ATP2B2: variants seen among roughly 807,000 people sequenced by gnomAD.
ATP2B2 encodes plasma membrane calcium-transporting ATPase 2.
ATP2B2 carries 15 observed loss-of-function variants against 120.0 expected under a neutral mutation model. The observed-to-expected ratio is 0.12, with a 90% CI of 0.08 to 0.19. ATP2B2 has a LOEUF of 0.19. ATP2B2 is among the 10% of genes least tolerant of loss of function. The probability of loss-of-function intolerance (pLI) is 1.00; values close to 1 mark genes in which losing one functional copy is unlikely to be tolerated. For synonymous variants in ATP2B2, 694 were observed against 700.3 expected (o/e 0.99, Z 0.14); for missense variants, 1,045 against 1,719.8 (o/e 0.61, Z 6.94).
chr3:10,608,733 C>T (rs1488323293), intron 2 of ATP2B2, among the ~76,000 whole-genome samples: 2 of 152,236 alleles, frequency 1.3e-5, no homozygotes, highest in African/African-American at 2.4e-5. Context: ...CCTGAGGCCC[C>T]ACTGGCCTCT....
At chr3:10,632,218 G>A (rs1385788603) in intron 1 of ATP2B2, among the ~76,000 whole-genome samples, 1 of 149,310 alleles carries the variant, frequency 6.7e-6, no homozygotes, top group Non-Finnish European at 1.5e-5. Flanking sequence ...CTTAAAAAAT[G>A]GGAATACCAG....
chr3:10,616,695 C>T (rs1021124835), intron 2 of ATP2B2, among the ~76,000 whole-genome samples: 27 of 151,990 alleles, frequency 1.8e-4, no homozygotes, highest in African/African-American at 6.5e-4. Flanking sequence ...CACACACACA[C>T]ACACTCATTG....
chr3:10,629,215 G>C (rs1014869323), intron 1 of ATP2B2, among the ~76,000 whole-genome samples: 1 of 152,188 alleles, frequency 6.6e-6, no homozygotes, highest in Admixed American at 6.5e-5. Context: ...CTTATGGGAC[G>C]AGCTTGAAGC....
At chr3:10,560,669 C>T (rs1378462564) in intron 2 of ATP2B2, among the ~76,000 whole-genome samples, 4 of 152,188 alleles carry the variant, frequency 2.6e-5, no homozygotes, top group South Asian at 2.1e-4. Flanking sequence ...TTTGCCAGCT[C>T]GCCATCCGCC....
At chr3:10,674,989 C>T (rs945828195) in intron 1 of ATP2B2, among the ~76,000 whole-genome samples, 27 of 152,178 alleles carry the variant, frequency 1.8e-4, no homozygotes, top group African/African-American at 6.5e-4. Context: ...TTAGAACGGT[C>T]CAGGCTTTTT....
intron 22 of ATP2B2, among the ~76,000 whole-genome samples, chr3:10,337,741 C>T (rs1051620337): frequency 2.6e-5 from 4 of 152,064 alleles, no homozygotes; most frequent in East Asian, 1.9e-4. Context: ...GTGGAGGCGG[C>T]GGACCCCCTG....
intron 2 of ATP2B2, among the ~76,000 whole-genome samples, chr3:10,426,336 G>A (rs1353662244): frequency 2.6e-5 from 4 of 152,034 alleles, no homozygotes; most frequent in Admixed American, 1.3e-4. Flanking sequence ...ATAAACATGT[G>A]GCCTCTCCTA....
intron 1 of ATP2B2, among the ~76,000 whole-genome samples, chr3:10,484,730 T>C (rs1429796151): frequency 2.0e-5 from 3 of 152,160 alleles, no homozygotes; most frequent in East Asian, 3.9e-4. Context: ...GTACATTGCC[T>C]CCAGATGCAG....
chr3:10,587,374 TTTAA>T (rs2068535655), intron 2 of ATP2B2, among the ~76,000 whole-genome samples: 1 of 149,600 alleles, frequency 6.7e-6, no homozygotes, highest in South Asian at 2.1e-4. Flanking sequence ...AGTTGTTTTA[TTTAA>T]TTAATTTATT....
intron 5 of ATP2B2, among the ~76,000 whole-genome samples, chr3:10,391,725 GTCC>G (rs140849651): frequency 0.011 from 1,660 of 152,282 alleles, 34 homozygotes; most frequent in African/African-American, 0.037. Context: ...CCCTCCCTCT[GTCC>G]TCCGGTATCC....
At chr3:10,464,108 C>T (rs553009268) in intron 1 of ATP2B2, among the ~76,000 whole-genome samples, 1 of 152,330 alleles carries the variant, frequency 6.6e-6, no homozygotes, top group Non-Finnish European at 1.5e-5. Flanking sequence ...CTGACTAGCT[C>T]TGTAGCTCTT....
At chr3:10,462,522 T>C (rs1018598849) in intron 1 of ATP2B2, among the ~76,000 whole-genome samples, 1 of 152,200 alleles carries the variant, frequency 6.6e-6, no homozygotes, top group African/African-American at 2.4e-5. Flanking sequence ...GGCTTCTGCA[T>C]GTCAGAGGCT....
At chr3:10,350,365 T>C in intron 15 of ATP2B2, 33 bp downstream of exon 15, 1 of 1,614,034 alleles carries the variant, frequency 6.2e-7, no homozygotes, top group Non-Finnish European at 8.5e-7. Flanking sequence ...CTGAGCGCGT[T>C]CCCCTGAGGA....
At chr3:10,549,732 G>C (rs2067627775) in intron 2 of ATP2B2, among the ~76,000 whole-genome samples, 2 of 151,394 alleles carry the variant, frequency 1.3e-5, no homozygotes, top group African/African-American at 4.9e-5. Context: ...CCCCTGCCCT[G>C]TGCTCCCTGC....
chr3:10,463,587 C>T (rs764395447), intron 1 of ATP2B2, among the ~76,000 whole-genome samples: 5 of 152,148 alleles, frequency 3.3e-5, no homozygotes, highest in African/African-American at 1.2e-4. Context: ...CGCGGGGTCA[C>T]GTAATTGTTG....
At chr3:10,435,251 C>T (rs865952359) in intron 2 of ATP2B2, among the ~76,000 whole-genome samples, 16 of 152,332 alleles carry the variant, frequency 1.1e-4, no homozygotes, top group Middle Eastern at 3.4e-3. Flanking sequence ...CACTTTCCCT[C>T]CGGCTCCCAT....
chr3:10,484,475 G>C (rs937540106), intron 1 of ATP2B2, among the ~76,000 whole-genome samples: 1 of 152,112 alleles, frequency 6.6e-6, no homozygotes, highest in East Asian at 1.9e-4. Context: ...GCTGGCCGCG[G>C]GGGTCTCTGT....
intron 1 of ATP2B2, among the ~76,000 whole-genome samples, chr3:10,683,386 G>A (rs1333159161): frequency 1.3e-5 from 2 of 152,010 alleles, no homozygotes; most frequent in African/African-American, 2.4e-5. Context: ...TCATGGGTTG[G>A]GAAGGCAGGA....
Position 10,449,846 on chromosome 3 carries a change from G to A in ATP2B2, c.-303C>T, listed in dbSNP as rs2063971022. 1 of 454,598 alleles carries A rather than the reference G, an allele frequency of 2.2e-6. No individual in the cohort carries two copies. Among genetic ancestry groups the A allele is most frequent in the African/African-American group, 2.0e-5 (1 of 50,274 alleles). The allele number at this position is 454,598 out of a possible 1,614,324, so 28.2% of individuals were successfully genotyped here. A position where few individuals can be genotyped will look rare whatever the true frequency, so the allele number is the denominator to read the frequency against. Reference sequence around the variant, plus strand: ...GCTCCCTGGAACTGGCATCTACATGGTCAGGGGTGGTGGCTCCTGTGGGAC... The same window carrying A: ...GCTCCCTGGAACTGGCATCTACATGATCAGGGGTGGTGGCTCCTGTGGGAC... On this transcript the variant is annotated 5_prime_UTR_variant, in exon 2 of 23. Transcript: ENST00000360273.
Sources: gnomAD v4.1 joint callset for allele counts (sites outside exome capture counted in the v4.1 genomes callset) on GRCh38, gnomAD v4.1.1 for gene constraint, MANE v1.5 for transcripts, NCBI Gene and HGNC (gene_info 2026-07-23, HGNC 2026-07-21) for gene names.